HDGFL3: variants seen among roughly 807,000 people sequenced by gnomAD.
The protein encoded by HDGFL3 is HDGF like 3.
In HDGFL3, 6 loss-of-function variants were observed where a neutral mutation model predicts 27.6. That is an observed-to-expected ratio of 0.22 (90% CI 0.12 to 0.43). The LOEUF is 0.43. Among genes scored for constraint, HDGFL3 ranks in the 20% least tolerant of loss-of-function variants. The pLI is 1.00. For missense variants in HDGFL3, 207 were observed against 250.1 expected (o/e 0.83, Z 1.16); for synonymous variants, 88 against 88.9 (o/e 0.99, Z 0.05).
Position 83,157,570 on chromosome 15 carries a change from T to C in HDGFL3, c.304A>G (p.Ile102Val), listed in dbSNP as rs200230620. 50 of 1,611,152 alleles carry C rather than the reference T, an allele frequency of 3.1e-5. No homozygotes were observed. In the East Asian group the frequency reaches 3.3e-4, roughly 11 times the overall value. Reference protein sequence around the residue: ...PGVKFTGYQAIQQQSSSETEG... With the variant: ...PGVKFTGYQAVQQQSSSETEG... ...GTTTCTGAAGAGCTCTGTTGCTGAA[T>C]TGCCTAAGAAATAATAAAATATTAG... Residue 102 changes from isoleucine (I) to valine (V), a missense_variant, in exon 4 of 6, where the codon ATT becomes GTT. By Grantham distance (29) the Ile-to-Val change is conservative. Transcript: ENST00000299633.
At chr15:83,122,952 T>A, downstream of HDGFL3, 2 of 1,547,858 alleles carry the variant, frequency 1.3e-6, no homozygotes, top group Non-Finnish European at 1.8e-6. Context: ...GCCACTGAAT[T>A]GAACCATGCC....
intron 3 of HDGFL3, chr15:83,122,691 A>G: frequency 6.4e-7 from 1 of 1,566,070 alleles, no homozygotes. Flanking sequence ...ATGGGGAGGT[A>G]TCCTAAATAT....
chr15:83,200,514 C>T (rs1055876670), intron 1 of HDGFL3, among the ~76,000 whole-genome samples: 5 of 152,166 alleles, frequency 3.3e-5, no homozygotes, highest in Admixed American at 6.5e-5. Context: ...GACTTTACTA[C>T]GTTCCCTGCA....
At chr15:83,194,468 TAGAG>T (rs889057162) in intron 1 of HDGFL3, among the ~76,000 whole-genome samples, 13 of 152,154 alleles carry the variant, frequency 8.5e-5, no homozygotes, top group African/African-American at 2.9e-4. Flanking sequence ...GTTCTGGAGA[TAGAG>T]AGTGGTGATG....
intron 4 of HDGFL3, among the ~76,000 whole-genome samples, chr15:83,154,184 A>G (rs2036998483): frequency 6.6e-6 from 1 of 151,644 alleles, no homozygotes; most frequent in Non-Finnish European, 1.5e-5. Flanking sequence ...ATAAAAAAGC[A>G]AAAAAGCAGC....
intron 4 of HDGFL3, among the ~76,000 whole-genome samples, chr15:83,152,489 T>G (rs1409314892): frequency 3.3e-5 from 5 of 152,058 alleles, no homozygotes; most frequent in Non-Finnish European, 5.9e-5. Context: ...TCACCTAAGG[T>G]CAGGGGTTTG....
At chr15:83,124,402 T>C (rs1265858898), downstream of HDGFL3, among the ~76,000 whole-genome samples, 1 of 152,154 alleles carries the variant, frequency 6.6e-6, no homozygotes, top group Admixed American at 6.5e-5. Flanking sequence ...TTTATTATCA[T>C]TAAAATGTCA....
At chr15:83,115,956 T>C (rs1211479461) in intron 3 of HDGFL3, 41 of 1,598,792 alleles carry the variant, frequency 2.6e-5, no homozygotes, top group Non-Finnish European at 3.4e-5. Flanking sequence ...TGGGATCACT[T>C]AGTGATTATG....
intron 5 of HDGFL3, among the ~76,000 whole-genome samples, chr15:83,140,493 T>TC (rs2036747246): frequency 6.7e-6 from 1 of 150,350 alleles, no homozygotes; most frequent in Non-Finnish European, 1.5e-5. Context: ...TTTTTTTTTT[T>TC]TTTTTTGAGA....
chr15:83,188,000 G>C (rs1445905142), intron 1 of HDGFL3, among the ~76,000 whole-genome samples: 1 of 151,952 alleles, frequency 6.6e-6, no homozygotes, highest in Non-Finnish European at 1.5e-5. Context: ...ATAGATTAGA[G>C]GTATTTTCCA....
intron 5 of HDGFL3, among the ~76,000 whole-genome samples, chr15:83,149,520 G>A (rs10520576): frequency 0.24 from 36,447 of 152,088 alleles, 4,604 homozygotes; most frequent in African/African-American, 0.31. Flanking sequence ...TTGGTAACCT[G>A]GAGGAAAAGT....
intron 4 of HDGFL3, among the ~76,000 whole-genome samples, chr15:83,155,942 A>G (rs1261482659): frequency 6.6e-6 from 1 of 152,172 alleles, no homozygotes; most frequent in Admixed American, 6.5e-5. Context: ...TTTCCATTGT[A>G]TTTCTGAATT....
chr15:83,164,535 GACT>G (rs918203322), intron 1 of HDGFL3, among the ~76,000 whole-genome samples: 1 of 151,978 alleles, frequency 6.6e-6, no homozygotes, highest in Non-Finnish European at 1.5e-5. Context: ...CTCTTGCCTG[GACT>G]ACTACAAGTC....
Position 83,136,409 on chromosome 15 carries a change from A to T in HDGFL3, c.*2861T>A, listed in dbSNP as rs1463239404. 7.2e-7 allele frequency: 1 copy of T among 1,395,534 alleles called. No individual in the cohort carries two copies. The highest frequency in any genetic ancestry group is 1.4e-5 in the African/African-American group (1 of 69,288). The allele number at this position is 1,395,534 out of a possible 1,614,324, so 86.4% of individuals were successfully genotyped here. ...CACAGAAACGTAGCCTGAATGAACC[A>T]TTCAGAACTCATCATGCATCCAACT... is the stretch of plus-strand genomic sequence containing the variant. On this transcript the variant is annotated 3_prime_UTR_variant, in exon 6 of 6. Coordinates refer to ENST00000299633, the MANE Select transcript of HDGFL3 (RefSeq NM_016073.4).
At chr15:83,142,075 G>A (rs1487432766) in intron 5 of HDGFL3, among the ~76,000 whole-genome samples, 1 of 152,170 alleles carries the variant, frequency 6.6e-6, no homozygotes, top group African/African-American at 2.4e-5. Flanking sequence ...GTTGGTGGGA[G>A]TGTAAATTAG....
intron 5 of HDGFL3, among the ~76,000 whole-genome samples, chr15:83,145,840 C>T (rs1306046714): frequency 1.3e-5 from 2 of 150,004 alleles, no homozygotes; most frequent in Non-Finnish European, 3.0e-5. Flanking sequence ...CTCAGTCACT[C>T]GCTCCCATGG....
chr15:83,186,615 T>C (rs1048190860), intron 1 of HDGFL3, among the ~76,000 whole-genome samples: 1 of 152,154 alleles, frequency 6.6e-6, no homozygotes, highest in Non-Finnish European at 1.5e-5. Context: ...TTATTTTAAG[T>C]GAAGTAACTC....
In HDGFL3 at chr15:83,133,091, G is replaced by A. The variant is rs1366801689; in HGVS notation, c.*6179C>T. ...TCACTGAACCCTCATAACAACCTAT[G>A]AGGTGGGTTCCACACCTCACCCGAG... On this transcript the variant is annotated 3_prime_UTR_variant, in exon 6 of 6. Transcript: ENST00000299633. 2 of 152,198 alleles carry A rather than the reference G, an allele frequency of 1.3e-5. No individual in the cohort carries two copies. The highest frequency in any genetic ancestry group is 2.9e-5 in the Non-Finnish European group (2 of 68,052). 9.4% of individuals were successfully genotyped at this position (152,198 alleles called of 1,614,324 possible). A position where few individuals can be genotyped will look rare whatever the true frequency, so the allele number is the denominator to read the frequency against.
Position 83,157,421 on chromosome 15 carries a change from A to T in HDGFL3, c.453T>A (p.Thr151=). The T allele has an allele frequency of 6.2e-7, 1 of 1,612,504 alleles. No individual in the cohort carries two copies. Among genetic ancestry groups the T allele is most frequent in the Non-Finnish European group, 8.5e-7 (1 of 1,178,812 alleles). Residue 151 remains threonine (T), a synonymous_variant, in exon 4 of 6, where the codon ACT becomes ACA. Coordinates refer to ENST00000299633, the MANE Select transcript of HDGFL3 (RefSeq NM_016073.4). ...TGAGAAGTTTCTTAGTAACCTTTGAAGTATATGACTTTTTCCGTTTTGAGC... is the reference window on the plus strand; with the variant it reads ...TGAGAAGTTTCTTAGTAACCTTTGATGTATATGACTTTTTCCGTTTTGAGC... ...KAGSKRKKSY[T]SKKSSKQSRK... is the part of the protein sequence containing the mutation.
Sources: gnomAD v4.1 joint callset for allele counts (sites outside exome capture counted in the v4.1 genomes callset) on GRCh38, gnomAD v4.1.1 for gene constraint, MANE v1.5 for transcripts, NCBI Gene and HGNC (gene_info 2026-07-23, HGNC 2026-07-21) for gene names.